The following CLEC2D variants were observed in gnomAD, a reference collection of about 807,000 sequenced individuals.
CLEC2D encodes C-type lectin related f.
A neutral mutation model predicts 20.0 loss-of-function variants in CLEC2D; 16 were observed. The observed-to-expected ratio is 0.80, with a 90% CI of 0.54 to 1.22. CLEC2D has a LOEUF of 1.22. Among genes scored for constraint, CLEC2D ranks in the 50% most tolerant of loss-of-function variants. The pLI is 0.00. For missense variants in CLEC2D, 207 were observed against 221.5 expected (o/e 0.93, Z 0.42); for synonymous variants, 77 against 71.1 (o/e 1.08, Z -0.42).
chr12:9,682,633 C>G (rs1865659407), intron 2 of CLEC2D, among the ~76,000 whole-genome samples: 1 of 152,094 alleles, frequency 6.6e-6, no homozygotes. Context: ...GTTTTCTGTT[C>G]CTGTGTTAGT....
intron 1 of CLEC2D, among the ~76,000 whole-genome samples, chr12:9,679,173 T>C (rs903105744): frequency 3.3e-5 from 5 of 152,112 alleles, no homozygotes; most frequent in East Asian, 1.9e-4. Context: ...TAATTAAATA[T>C]ATTGCTACTA....
intron 1 of CLEC2D, among the ~76,000 whole-genome samples, chr12:9,675,262 C>T (rs1470280547): frequency 2.0e-5 from 3 of 149,670 alleles, no homozygotes; most frequent in Non-Finnish European, 4.4e-5. Flanking sequence ...GGCGCAATCT[C>T]GGCTCACTGC....
intron 2 of CLEC2D, among the ~76,000 whole-genome samples, chr12:9,687,270 A>G (rs1182423447): frequency 6.6e-6 from 1 of 152,230 alleles, no homozygotes; most frequent in African/African-American, 2.4e-5. Flanking sequence ...TTCATCAGGT[A>G]TTAGATTCTC....
chr12:9,670,069 TA>T (rs974590259), intron 1 of CLEC2D, among the ~76,000 whole-genome samples: 3 of 150,802 alleles, frequency 2.0e-5, no homozygotes, highest in Non-Finnish European at 3.0e-5. Flanking sequence ...TTAATTTCAC[TA>T]AAAAAAAATC....
At chr12:9,683,394 A>G (rs1486007856) in intron 2 of CLEC2D, among the ~76,000 whole-genome samples, 1 of 117,224 alleles carries the variant, frequency 8.5e-6, no homozygotes, top group African/African-American at 3.5e-5. Flanking sequence ...CCGCTTGTCA[A>G]TTTTTGCTTT....
Position 9,695,858 on chromosome 12 carries a change from A to C in CLEC2D, c.*984A>C, listed in dbSNP as rs11052488. ...AAAGTAAAACTTGCTGCTGCTGCTG[A>C]TGATGATGATGATGAAGATGATGAT... On this transcript the variant is annotated 3_prime_UTR_variant, in exon 5 of 5. Transcript: ENST00000290855. The C allele has an allele frequency of 0.66, 622,746 of 948,362 alleles. 202,257 individuals are homozygous for C. Among genetic ancestry groups the C allele is most frequent in the African/African-American group, 0.74 (43,443 of 58,392 alleles). 58.7% of individuals were successfully genotyped at this position (948,362 alleles called of 1,614,324 possible).
chr12:9,693,756 C>A, intron 4 of CLEC2D: 2 of 420,188 alleles, frequency 4.8e-6, no homozygotes, highest in South Asian at 3.4e-5. Flanking sequence ...TCTTATTTTA[C>A]AATACGGAAG....
chr12:9,692,638 C>T (rs1865892519), intron 3 of CLEC2D, among the ~76,000 whole-genome samples, 190 bp from the exon 4 acceptor site: 1 of 152,136 alleles, frequency 6.6e-6, no homozygotes, highest in Non-Finnish European at 1.5e-5. Context: ...AACAATTTCT[C>T]TCAGTTTTAA....
intron 2 of CLEC2D, among the ~76,000 whole-genome samples, chr12:9,681,930 CTATT>C (rs1565466728): frequency 6.6e-6 from 1 of 152,056 alleles, no homozygotes; most frequent in African/African-American, 2.4e-5. Context: ...CTAATTGTAA[CTATT>C]TAAGAAAGAA....
chr12:9,690,828 G>A (rs964082230), intron 3 of CLEC2D, among the ~76,000 whole-genome samples: 2 of 151,918 alleles, frequency 1.3e-5, no homozygotes, highest in African/African-American at 4.8e-5. Flanking sequence ...GTCAGTAACA[G>A]ACAACTTGAG....
At chr12:9,670,716 C>T (rs958639293) in intron 1 of CLEC2D, among the ~76,000 whole-genome samples, 4 of 152,266 alleles carry the variant, frequency 2.6e-5, no homozygotes, top group Non-Finnish European at 5.9e-5. Flanking sequence ...TATATTGATA[C>T]TATTGTTTTA....
rs1865955979 is a variant in CLEC2D at position 9,695,251 on chromosome 12, A to G, written c.*377A>G. On this transcript the variant is annotated 3_prime_UTR_variant, in exon 5 of 5. Transcript: ENST00000290855. ...GTGCACAGGAACTCCTATTTATACAACCATCAGATATCTTGAGACAAGAAC... is the reference window on the plus strand; with the variant it reads ...GTGCACAGGAACTCCTATTTATACAGCCATCAGATATCTTGAGACAAGAAC... 1.6e-6 allele frequency: 1 copy of G among 644,356 alleles called. No individual in the cohort carries two copies. The highest frequency in any genetic ancestry group is 2.8e-6 in the Non-Finnish European group (1 of 358,658). 39.9% of individuals were successfully genotyped at this position (644,356 alleles called of 1,614,324 possible).
intron 1 of CLEC2D, among the ~76,000 whole-genome samples, chr12:9,678,082 C>T (rs753914422): frequency 2.6e-5 from 4 of 152,224 alleles, no homozygotes; most frequent in South Asian, 2.1e-4. Flanking sequence ...ATGAATTCAT[C>T]GATTTCTCCT....
chr12:9,677,695 ATTTC>A (rs1865549884), intron 1 of CLEC2D, among the ~76,000 whole-genome samples: 2 of 136,968 alleles, frequency 1.5e-5, no homozygotes, highest in African/African-American at 5.4e-5. Context: ...GGATCTGGGC[ATTTC>A]TTTCTTTCTT....
chr12:9,682,359 C>G (rs973461576), intron 2 of CLEC2D, among the ~76,000 whole-genome samples: 3 of 152,030 alleles, frequency 2.0e-5, no homozygotes, highest in African/African-American at 7.2e-5. Flanking sequence ...AGTTATAGCT[C>G]TGGTCCCTAA....
rs544557948 is a variant in CLEC2D at position 9,695,310 on chromosome 12, G to T, written c.*436G>T. 4 of 791,554 alleles carry T rather than the reference G, an allele frequency of 5.1e-6. No individual in the cohort carries two copies. The East Asian group carries it at 7.4e-5, about 15-fold the overall frequency. The allele number at this position is 791,554 out of a possible 1,614,324, so 49.0% of individuals were successfully genotyped here. A position where few individuals can be genotyped will look rare whatever the true frequency, so the allele number is the denominator to read the frequency against. Reference sequence around the variant, plus strand: ...GCTCCCTGGTGTGATTCCGTCCTGCGCGGCTGTTCTCTGGAGCAGCATTCA... The same window carrying T: ...GCTCCCTGGTGTGATTCCGTCCTGCTCGGCTGTTCTCTGGAGCAGCATTCA... On this transcript the variant is annotated 3_prime_UTR_variant, in exon 5 of 5. Transcript: ENST00000290855.
chr12:9,677,270 A>G (rs1050256620), intron 1 of CLEC2D, among the ~76,000 whole-genome samples: 6 of 152,206 alleles, frequency 3.9e-5, no homozygotes, highest in Middle Eastern at 3.4e-3. Context: ...TCTTTAAACA[A>G]TGCTTTTACT....
chr12:9,691,765 G>T (rs1402962849), intron 3 of CLEC2D, among the ~76,000 whole-genome samples: 1 of 152,082 alleles, frequency 6.6e-6, no homozygotes, highest in Admixed American at 6.5e-5. Context: ...TTCTAAGAGG[G>T]AAATTTATAG....
chr12:9,698,599 A>G lies in CLEC2D; in HGVS notation c.*3725A>G, dbSNP rs754522629. On this transcript the variant is annotated 3_prime_UTR_variant, in exon 5 of 5. Coordinates refer to ENST00000290855, the MANE Select transcript of CLEC2D (RefSeq NM_013269.6). ...AAGCTTCACAACGTTGGTCTGGGCA[A>G]TAATTTTTGGATTTGACCTCAAAAG... is the stretch of plus-strand genomic sequence containing the variant. The G allele has an allele frequency of 3.9e-5, 6 of 152,218 alleles. No individual in the cohort carries two copies. The highest frequency in any genetic ancestry group is 8.8e-5 in the Non-Finnish European group (6 of 68,042). 9.4% of individuals were successfully genotyped at this position (152,218 alleles called of 1,614,324 possible).
Sources: gnomAD v4.1 joint callset for allele counts (sites outside exome capture counted in the v4.1 genomes callset) on GRCh38, gnomAD v4.1.1 for gene constraint, MANE v1.5 for transcripts, NCBI Gene and HGNC (gene_info 2026-07-23, HGNC 2026-07-21) for gene names.